Variants in UTRN observed in about 807,000 individuals in gnomAD.
UTRN encodes the protein utrophin, also known as dystrophin-related protein 1.
In UTRN, 283 loss-of-function variants were observed where a neutral mutation model predicts 463.9. The ratio of observed to expected loss-of-function variants is 0.61; its 90% confidence interval spans 0.55 to 0.67. The LOEUF (loss-of-function observed/expected upper bound fraction) is 0.67, where lower values mean the gene tolerates loss of function less well. Among genes scored for constraint, UTRN ranks in the 30% least tolerant of loss-of-function variants. The pLI, the probability that UTRN is intolerant of heterozygous loss-of-function variation, is 0.00. For missense variants in UTRN, 3,922 were observed against 4,084.3 expected, an observed-to-expected ratio of 0.96 and a Z score of 1.08; for synonymous variants, 1,442 against 1,431.5, an observed-to-expected ratio of 1.01 and a Z score of -0.17.
intron 31 of UTRN, among the ~76,000 whole-genome samples, chr6:144,490,635 A>G (rs1056618920): frequency 2.6e-5 from 4 of 152,164 alleles, no homozygotes; most frequent in Non-Finnish European, 5.9e-5. Flanking sequence ...TATCTTTTTG[A>G]ACATGAAGTT....
chr6:144,829,383 A>G (rs965974879), intron 69 of UTRN, among the ~76,000 whole-genome samples: 7 of 152,124 alleles, frequency 4.6e-5, no homozygotes, highest in Non-Finnish European at 1.0e-4. Context: ...ACTTTAGAAT[A>G]CTAAAAAGAT....
In UTRN at chr6:144,479,824, A is replaced by G. The variant is rs1791659302; in HGVS notation, c.3349A>G (p.Lys1117Glu). The change falls in exon 26 of 75, where the codon AAA becomes GAA. Residue 1117 changes from lysine to glutamate, a missense_variant. Coordinates refer to ENST00000367545, the MANE Select transcript of UTRN (RefSeq NM_007124.3). ...TTTTCCTTTGTAGATCGCTACTCAAAAAAGTAGGTTGTCTGAAAGTCAAGA... is the reference window on the plus strand; with the variant it reads ...TTTTCCTTTGTAGATCGCTACTCAAGAAAGTAGGTTGTCTGAAAGTCAAGA... Reference protein sequence around the residue: ...EKLSKEIATQKSRLSESQEKA... With the variant: ...EKLSKEIATQESRLSESQEKA... The G allele has an allele frequency of 6.2e-7, 1 of 1,613,246 alleles. No individual in the cohort carries two copies. The highest frequency in any genetic ancestry group is 1.1e-5 in the South Asian group (1 of 90,962).
intron 32 of UTRN, among the ~76,000 whole-genome samples, chr6:144,492,732 T>A (rs1793187386): frequency 1.3e-5 from 2 of 152,214 alleles, no homozygotes; most frequent in African/African-American, 4.8e-5. Context: ...TGAGATAGTA[T>A]CTTATTGTGG....
At chr6:144,588,507 A>G (rs1802692867) in intron 51 of UTRN, among the ~76,000 whole-genome samples, 2 of 152,250 alleles carry the variant, frequency 1.3e-5, no homozygotes, top group African/African-American at 4.8e-5. Context: ...GTGTATGTCT[A>G]GAAGTGTAAT....
At chr6:144,507,294 G>T (rs1266330220) in intron 34 of UTRN, among the ~76,000 whole-genome samples, 1 of 151,832 alleles carries the variant, frequency 6.6e-6, no homozygotes, top group African/African-American at 2.4e-5. Context: ...TCTCCATCCG[G>T]TTTTGTTCCC....
intron 64 of UTRN, among the ~76,000 whole-genome samples, chr6:144,799,747 T>C (rs1016352939): frequency 6.6e-6 from 1 of 152,214 alleles, no homozygotes; most frequent in African/African-American, 2.4e-5. Context: ...TTACCTCTAC[T>C]TTACACATAA....
intron 65 of UTRN, among the ~76,000 whole-genome samples, chr6:144,816,769 G>T (rs1586692878): frequency 1.4e-5 from 2 of 140,354 alleles, no homozygotes; most frequent in Non-Finnish European, 3.0e-5. Flanking sequence ...TTATAGAGAT[G>T]GGGTTTTGCC....
chr6:144,734,501 C>G (rs1789140721), intron 54 of UTRN, among the ~76,000 whole-genome samples: 1 of 152,132 alleles, frequency 6.6e-6, no homozygotes, highest in South Asian at 2.1e-4. Flanking sequence ...TCCATTCTTC[C>G]ATCAGTCTTT....
At chr6:144,678,662 G>A (rs11155369) in intron 52 of UTRN, 84 bp downstream of exon 52, 85 of 1,264,620 alleles carry the variant, frequency 6.7e-5, no homozygotes, top group African/African-American at 5.4e-4. Flanking sequence ...AAGAGAAAGC[G>A]CAGCCTTACC....
At chr6:144,299,811 C>T (rs1241913005) in intron 2 of UTRN, among the ~76,000 whole-genome samples, 6 of 152,058 alleles carry the variant, frequency 3.9e-5, no homozygotes, top group African/African-American at 1.4e-4. Flanking sequence ...CACATTCAAC[C>T]TCTATGCTAG....
intron 45 of UTRN, 50 bp from the exon 46 acceptor site, chr6:144,542,745 A>C: frequency 6.4e-7 from 1 of 1,568,386 alleles, no homozygotes; most frequent in Non-Finnish European, 8.7e-7. Context: ...AACTACAGTC[A>C]TCTTTATTTA....
chr6:144,331,910 T>A (rs1284873358), intron 2 of UTRN, among the ~76,000 whole-genome samples: 1 of 152,012 alleles, frequency 6.6e-6, no homozygotes, highest in Admixed American at 6.5e-5. Flanking sequence ...AAATATTCAG[T>A]GAATCATATG....
chr6:144,557,338 T>C, intron 50 of UTRN, 27 bp downstream of exon 50: 1 of 1,594,394 alleles, frequency 6.3e-7, no homozygotes, highest in Non-Finnish European at 8.6e-7. Context: ...GGCAGGTAAA[T>C]GTATATTGTC....
intron 51 of UTRN, among the ~76,000 whole-genome samples, chr6:144,635,271 C>G (rs1394998369): frequency 2.0e-5 from 3 of 151,290 alleles, no homozygotes; most frequent in Non-Finnish European, 4.4e-5. Context: ...CCACCTCTGC[C>G]TACTAAGTAG....
At chr6:144,341,511 T>C (rs1485456454) in intron 2 of UTRN, among the ~76,000 whole-genome samples, 2 of 152,218 alleles carry the variant, frequency 1.3e-5, no homozygotes, top group Non-Finnish European at 2.9e-5. Context: ...AGTACTGCAC[T>C]TTTGAGAGGG....
intron 6 of UTRN, among the ~76,000 whole-genome samples, chr6:144,425,582 G>A (rs11963107): frequency 0.13 from 19,379 of 152,046 alleles, 1,425 homozygotes; most frequent in Admixed American, 0.19. Context: ...TTGTAAAGAA[G>A]AGCTTCCCCT....
chr6:144,441,811 T>C (rs1787193580), intron 13 of UTRN, among the ~76,000 whole-genome samples: 1 of 152,244 alleles, frequency 6.6e-6, no homozygotes, highest in Non-Finnish European at 1.5e-5. Flanking sequence ...TCTAGGTGGA[T>C]GTTCCCAAAC....
At chr6:144,793,472 AG>A (rs1368658227) in intron 62 of UTRN, among the ~76,000 whole-genome samples, 1 of 152,142 alleles carries the variant, frequency 6.6e-6, no homozygotes, top group African/African-American at 2.4e-5. Context: ...CTCAATAAGA[AG>A]GGGAGTTCTT....
rs779847576 is a variant in UTRN at position 144,291,934 on chromosome 6, A to G, written c.79+27A>G. 5.7e-6 allele frequency: 9 copies of G among 1,590,150 alleles called. No homozygotes were observed. In the East Asian group the frequency reaches 1.4e-4, roughly 24 times the overall value. The stretch of plus-strand genomic sequence containing the variant: ...TAGGTAAAGGAAGCTCAAGAAAGCT[A>G]TGGATTTTTATGTATTTAGAAAACC... On this transcript the variant is annotated intron_variant, in intron 2 of 74. Transcript: ENST00000367545.
Sources: gnomAD v4.1 joint callset for allele counts (sites outside exome capture counted in the v4.1 genomes callset) on GRCh38, gnomAD v4.1.1 for gene constraint, MANE v1.5 for transcripts, NCBI Gene and HGNC (gene_info 2026-07-23, HGNC 2026-07-21) for gene names.